The following DNAH14 variants were observed in gnomAD, a reference collection of about 807,000 sequenced individuals.
The protein encoded by DNAH14 is axonemal beta dynein heavy chain 14.
In DNAH14, 478 loss-of-function variants were observed where a neutral mutation model predicts 520.9. The observed-to-expected ratio is 0.92, with a 90% CI of 0.85 to 0.99. The LOEUF is 0.99. DNAH14 is among the 50% of genes least tolerant of loss of function. The pLI, the probability that DNAH14 is intolerant of heterozygous loss-of-function variation, is 0.00. For missense variants in DNAH14, 4,831 were observed against 5,234.5 expected (o/e 0.92, Z 2.38); for synonymous variants, 1,581 against 1,757.2 (o/e 0.90, Z 2.51).
rs2059222794 is a variant in DNAH14, at chr1:224,938,969, G to A, written c.-34+9134G>A. 6.6e-5 allele frequency among the ~76,000 whole-genome samples: 10 copies of A among 152,110 alleles called. No homozygotes were observed. In the South Asian group the frequency reaches 1.9e-3, roughly 28 times the overall value. On this transcript the variant is annotated intron_variant, in intron 1 of 85. Coordinates refer to ENST00000682510, the MANE Select transcript of DNAH14 (RefSeq NM_001367479.1). ...ATCACATGTTCTCACTCATATGTGG[G>A]AGCAAAAAAAGTGGCTCTCGTGCAA...
intron 73 of DNAH14, among the ~76,000 whole-genome samples, chr1:225,358,046 T>C (rs1369822854): frequency 6.6e-6 from 1 of 152,224 alleles, no homozygotes; most frequent in Non-Finnish European, 1.5e-5. Flanking sequence ...CATATAAAGA[T>C]TGTGCCATTT....
chr1:225,373,172 G>GAAAAAA (rs3075885), intron 77 of DNAH14, among the ~76,000 whole-genome samples: 76,934 of 135,124 alleles, frequency 0.57, 23,846 homozygotes, highest in Non-Finnish European at 0.68. Context: ...AGCATTTGTG[G>GAAAAAA]AAAAAAAAAA....
intron 39 of DNAH14, among the ~76,000 whole-genome samples, chr1:225,205,304 G>T (rs1405986215): frequency 6.6e-6 from 1 of 152,104 alleles, no homozygotes; most frequent in African/African-American, 2.4e-5. Context: ...CCCTGAAAAA[G>T]GAGCTCAAGA....
intron 55 of DNAH14, among the ~76,000 whole-genome samples, chr1:225,299,300 A>C (rs544829519): frequency 6.6e-6 from 1 of 152,260 alleles, no homozygotes; most frequent in South Asian, 2.1e-4. Context: ...ATTTCAAGGG[A>C]ACATTGTTTA....
chr1:225,007,399 T>C lies in DNAH14; in HGVS notation c.976-14T>C, dbSNP rs1313045872. 6.7e-7 allele frequency: 1 copy of C among 1,502,264 alleles called. No homozygotes were observed. The highest frequency in any genetic ancestry group is 8.9e-7 in the Non-Finnish European group (1 of 1,123,468). 93.1% of individuals were successfully genotyped at this position (1,502,264 alleles called of 1,614,324 possible). On this transcript the variant is annotated splice_polypyrimidine_tract_variant and intron_variant, in intron 9 of 85. Transcript: ENST00000682510. ...TGACTTTCTAACACTGAACATTTAC[T>C]ATCATCTAATTAGCTGGATAGTTCT...
intron 8 of DNAH14, among the ~76,000 whole-genome samples, chr1:224,980,878 A>G (rs1047596740): frequency 6.6e-6 from 1 of 152,218 alleles, no homozygotes; most frequent in African/African-American, 2.4e-5. Flanking sequence ...ATTAGGAGAA[A>G]TACCTCATGT....
At chr1:225,243,035 G>C (rs1448471602) in intron 43 of DNAH14, among the ~76,000 whole-genome samples, 3 of 152,166 alleles carry the variant, frequency 2.0e-5, no homozygotes, top group Admixed American at 2.0e-4. Context: ...GTTATTTCCT[G>C]TGGAAATTAA....
At chr1:225,107,667 A>C (rs543398492) in intron 23 of DNAH14, among the ~76,000 whole-genome samples, 24 of 152,298 alleles carry the variant, frequency 1.6e-4, no homozygotes, top group African/African-American at 5.5e-4. Context: ...GGATACCGGA[A>C]TTGCTGAATC....
chr1:225,371,083 A>T lies in DNAH14; in HGVS notation c.12318+3051A>T, dbSNP rs544033719. ...AGATAGTATTAATATTATATATTCTAGACCTTAGTAAAAGATCACAATCTC... is the reference window on the plus strand; with the variant it reads ...AGATAGTATTAATATTATATATTCTTGACCTTAGTAAAAGATCACAATCTC... On this transcript the variant is annotated intron_variant, in intron 77 of 85. Transcript: ENST00000682510. Among the ~76,000 whole-genome samples, 129 of 152,330 alleles carry T rather than the reference A, an allele frequency of 8.5e-4. 1 individual carries two copies. Among genetic ancestry groups the T allele is most frequent in the African/African-American group, 2.8e-3 (115 of 41,602 alleles).
intron 42 of DNAH14, among the ~76,000 whole-genome samples, chr1:225,237,840 C>A (rs1202256868): frequency 1.3e-5 from 2 of 152,122 alleles, no homozygotes; most frequent in Non-Finnish European, 2.9e-5. Flanking sequence ...TTATTCTTGT[C>A]TGCCTGTCTT....
chr1:225,182,794 T>C (rs1463531665), intron 36 of DNAH14, among the ~76,000 whole-genome samples: 1 of 152,190 alleles, frequency 6.6e-6, no homozygotes, highest in African/African-American at 2.4e-5. Context: ...TTAGACTCAC[T>C]GTGGACCAGA....
chr1:224,994,375 T>C (rs1473767846), intron 8 of DNAH14, among the ~76,000 whole-genome samples: 1 of 152,096 alleles, frequency 6.6e-6, no homozygotes, highest in Non-Finnish European at 1.5e-5. Flanking sequence ...GGTGTGTATA[T>C]AGTTATGACA....
intron 38 of DNAH14, among the ~76,000 whole-genome samples, chr1:225,200,408 G>T (rs974658607): frequency 6.6e-6 from 1 of 151,850 alleles, no homozygotes; most frequent in Non-Finnish European, 1.5e-5. Context: ...CATTTTTTTG[G>T]TTTTTTTAAT....
intron 42 of DNAH14, among the ~76,000 whole-genome samples, chr1:225,238,283 G>A (rs538992355): frequency 1.2e-4 from 19 of 152,202 alleles, no homozygotes; most frequent in Non-Finnish European, 2.4e-4. Context: ...GCTGACCTTC[G>A]AGTGGGGTTT....
At chr1:225,397,436 G>A (rs2096029888) in intron 84 of DNAH14, 1 of 152,848 alleles carries the variant, frequency 6.5e-6, no homozygotes, top group Non-Finnish European at 1.5e-5. Flanking sequence ...AGCTGGCCCA[G>A]GCTGCATCAA....
Position 225,257,532 on chromosome 1 carries a change from C to CT in DNAH14, c.6866-420dup, listed in dbSNP as rs546456150. ...CTGCATAGCCATGTACTTTTCTTTT[C>CT]TTTTTTTTCTTTCTTTTTTTTTTTT... On this transcript the variant is annotated intron_variant, in intron 44 of 85. Coordinates refer to ENST00000682510, the MANE Select transcript of DNAH14 (RefSeq NM_001367479.1). 5.0e-3 allele frequency among the ~76,000 whole-genome samples: 754 copies of CT among 151,276 alleles called. 6 individuals are homozygous for CT. Among genetic ancestry groups the CT allele is most frequent in the African/African-American group, 0.017 (708 of 41,280 alleles).
intron 31 of DNAH14, among the ~76,000 whole-genome samples, chr1:225,148,396 C>CTTTTTT (rs560233312): frequency 0.014 from 1,356 of 96,556 alleles, 157 homozygotes; most frequent in African/African-American, 0.058. Flanking sequence ...TAATGTTGAG[C>CTTTTTT]TTTTTTTTTT....
At chr1:225,380,074 A>G (rs971159439) in intron 79 of DNAH14, 85 bp from the exon 80 acceptor site, 1 of 1,385,108 alleles carries the variant, frequency 7.2e-7, no homozygotes, top group Non-Finnish European at 9.7e-7. Context: ...CCTGTCTACC[A>G]GTAATCTTGA....
At chr1:225,229,752 C>T (rs944133686) in intron 41 of DNAH14, among the ~76,000 whole-genome samples, 2 of 151,664 alleles carry the variant, frequency 1.3e-5, no homozygotes, top group Non-Finnish European at 2.9e-5. Context: ...GAACATCATA[C>T]ACTGGGGCCT....
Sources: allele counts gnomAD v4.1 joint callset (sites outside exome capture counted in the v4.1 genomes callset), GRCh38; gene constraint gnomAD v4.1.1; transcripts MANE v1.5; gene names NCBI Gene and HGNC (gene_info 2026-07-23, HGNC 2026-07-21).